Variants in SBNO2 observed in about 807,000 individuals in gnomAD.
SBNO2 encodes protein strawberry notch homolog 2.
In SBNO2, 89 loss-of-function variants were observed where a neutral mutation model predicts 146.3. The observed-to-expected ratio is 0.61, with a 90% CI of 0.51 to 0.73. The LOEUF (loss-of-function observed/expected upper bound fraction) is 0.73. SBNO2 is among the 30% of genes least tolerant of loss of function. The pLI is 0.00. For missense variants in SBNO2, 2,092 were observed against 2,003.7 expected, an observed-to-expected ratio of 1.04 and a Z score of -0.84; for synonymous variants, 1,147 against 892.6, an observed-to-expected ratio of 1.29 and a Z score of -5.08.
chr19:1,122,907 G>A lies in SBNO2; in HGVS notation c.767C>T (p.Thr256Ile), dbSNP rs751474173. 1.5e-5 allele frequency: 24 copies of A among 1,551,424 alleles called. No individual in the cohort carries two copies. Among genetic ancestry groups the A allele is most frequent in the Non-Finnish European group, 2.0e-5 (23 of 1,148,444 alleles). Residue 256 changes from threonine (T) to isoleucine (I), a missense_variant, in exon 8 of 32, where the codon ACC becomes ATC. Physicochemically the swap from Thr to Ile is moderately conservative, Grantham distance 89. Coordinates refer to ENST00000361757, the MANE Select transcript of SBNO2 (RefSeq NM_014963.3). ...ACATGCGGTCACCTGGCAGGCGTAG[G>A]TGATGGCCTCTAGCTGCAGGGCAGA... is the stretch of plus-strand genomic sequence containing the variant. ...ALSALQLEAI[T>I]YACQQHEVLL...
intron 4 of SBNO2, among the ~76,000 whole-genome samples, chr19:1,143,628 C>A (rs889108413): frequency 3.9e-5 from 6 of 152,304 alleles, no homozygotes; most frequent in Admixed American, 3.9e-4. Flanking sequence ...TCCAGAGGCA[C>A]CCGCATCCCT....
rs963309749 is a variant in SBNO2 at position 1,144,031 on chromosome 19, G to A, written c.279+3278C>T. Among the ~76,000 whole-genome samples, 6 of 152,192 alleles carry A rather than the reference G, an allele frequency of 3.9e-5. No individual in the cohort carries two copies. The highest frequency in any genetic ancestry group is 1.4e-4 in the African/African-American group (6 of 41,458). On this transcript the variant is annotated intron_variant, in intron 4 of 31. Coordinates refer to ENST00000361757, the MANE Select transcript of SBNO2 (RefSeq NM_014963.3). This position sits in a 1 kb window ranked among gnomAD's most constrained non-coding sequence, Gnocchi z 4.1. The stretch of plus-strand genomic sequence containing the variant: ...CTTCCGTGGCTGGCTGGGCTGCGCT[G>A]GGGGGCACGGCGCAAAGGGCCTCGA...
intron 1 of SBNO2, among the ~76,000 whole-genome samples, chr19:1,164,945 G>A (rs1467608512): frequency 6.7e-5 from 10 of 149,972 alleles, no homozygotes; most frequent in African/African-American, 2.2e-4. Flanking sequence ...GGAGGAGGAG[G>A]AGGAGGAACA....
At chr19:1,164,632 G>C (rs951466478) in intron 1 of SBNO2, among the ~76,000 whole-genome samples, 3 of 136,100 alleles carry the variant, frequency 2.2e-5, no homozygotes, top group Non-Finnish European at 4.8e-5. Context: ...AACAGGAGGA[G>C]GAGGAGGAGG....
chr19:1,142,692 G>C (rs934735467), intron 4 of SBNO2, among the ~76,000 whole-genome samples: 2 of 150,632 alleles, frequency 1.3e-5, no homozygotes, highest in East Asian at 4.0e-4. Flanking sequence ...AAAACAATAG[G>C]CCAGGTGCGG....
intron 17 of SBNO2, 57 bp downstream of exon 17, chr19:1,115,964 C>G (rs757608819): frequency 1.4e-4 from 161 of 1,146,600 alleles, no homozygotes; most frequent in Non-Finnish European, 2.4e-5. Context: ...CAGCCAGCCC[C>G]CGGGGGGAGA....
intron 4 of SBNO2, among the ~76,000 whole-genome samples, chr19:1,132,799 G>C (rs1055524753): frequency 6.6e-6 from 1 of 152,188 alleles, no homozygotes; most frequent in African/African-American, 2.4e-5. Context: ...GGCCTCCCTT[G>C]ATCTGGGGCT....
At chr19:1,155,306 G>A (rs1296229803) in intron 1 of SBNO2, among the ~76,000 whole-genome samples, 1 of 152,218 alleles carries the variant, frequency 6.6e-6, no homozygotes, top group Admixed American at 6.5e-5. Flanking sequence ...TCTGCCCGGC[G>A]CTCCAGAGAC....
chr19:1,145,899 T>C (rs1442768255), intron 4 of SBNO2, among the ~76,000 whole-genome samples: 1 of 152,020 alleles, frequency 6.6e-6, no homozygotes, highest in Non-Finnish European at 1.5e-5. Context: ...GGTAGGCCAA[T>C]TTCCAGGCCA....
intron 17 of SBNO2, 123 bp from the exon 18 acceptor site, chr19:1,114,545 C>T (rs1004095651): frequency 2.5e-6 from 2 of 797,856 alleles, no homozygotes; most frequent in Non-Finnish European, 3.7e-6. Context: ...CCGAGAACCC[C>T]CTGCCTCTGG....
At position 1,117,432 on chromosome 19, in the gene SBNO2, A is replaced by G. The variant is rs1183126287; in HGVS notation, c.1595T>C (p.Leu532Pro). ...GTGTGCCGACCAGAACTGGCCCCAC[A>G]GGGACTTGCGCGACTCCAGGCCGAT... ...DWIGLESRKS[L>P]WGQFWSAHQR... Residue 532 changes from leucine to proline, a missense_variant, in exon 15 of 32, where the codon CTG becomes CCG. Leu to Pro is a moderately conservative substitution (Grantham distance 98, BLOSUM62 -3). Transcript: ENST00000361757. 1.3e-6 allele frequency: 2 copies of G among 1,590,546 alleles called. No individual in the cohort carries two copies. The highest frequency in any genetic ancestry group is 2.3e-5 in the East Asian group (1 of 43,350).
chr19:1,163,737 C>T (rs573286855), intron 1 of SBNO2, among the ~76,000 whole-genome samples: 7 of 152,354 alleles, frequency 4.6e-5, no homozygotes, highest in Non-Finnish European at 7.4e-5. Context: ...ACCGGCCCAG[C>T]ACCGCCTGAC....
At chr19:1,152,533 G>C (rs537894430) in intron 2 of SBNO2, among the ~76,000 whole-genome samples, 8 of 152,114 alleles carry the variant, frequency 5.3e-5, no homozygotes, top group Non-Finnish European at 5.9e-5. Flanking sequence ...GCCGGTACTC[G>C]AGCTCCACCG....
chr19:1,169,786 A>G (rs1338809504), intron 1 of SBNO2, among the ~76,000 whole-genome samples: 1 of 152,146 alleles, frequency 6.6e-6, no homozygotes, highest in Non-Finnish European at 1.5e-5. Context: ...TTTCCCTGAG[A>G]TACAATCCAC....
chr19:1,109,878 C>G lies in SBNO2; in HGVS notation c.3029-101G>C. 1 of 825,768 alleles carries G rather than the reference C, an allele frequency of 1.2e-6. No homozygotes were observed. Among genetic ancestry groups the G allele is most frequent in the Non-Finnish European group, 1.9e-6 (1 of 531,420 alleles). The allele number at this position is 825,768 out of a possible 1,614,324, so 51.2% of individuals were successfully genotyped here. A position where few individuals can be genotyped will look rare whatever the true frequency, so the allele number is the denominator to read the frequency against. Reference sequence around the variant, plus strand: ...GGGGCGCACCCTAGAGACGACCCCCCGAGAGCACAGGAGAGGGTGTCCTGG... The same window carrying G: ...GGGGCGCACCCTAGAGACGACCCCCGGAGAGCACAGGAGAGGGTGTCCTGG... On this transcript the variant is annotated intron_variant, in intron 26 of 31. Transcript: ENST00000361757. This position sits in a 1 kb window ranked among gnomAD's most constrained non-coding sequence, Gnocchi z 4.2.
At chr19:1,165,274 G>A (rs146586731) in intron 1 of SBNO2, among the ~76,000 whole-genome samples, 2 of 152,298 alleles carry the variant, frequency 1.3e-5, no homozygotes, top group East Asian at 3.9e-4. Flanking sequence ...CCGAATGCAG[G>A]CCTGGAAAGG....
At chr19:1,113,028 C>T in intron 19 of SBNO2, 79 bp from the exon 20 acceptor site, 1 of 1,477,458 alleles carries the variant, frequency 6.8e-7, no homozygotes. Flanking sequence ...CTCAGCTTCC[C>T]TATGTCCTAC....
At position 1,114,430 on chromosome 19, in the gene SBNO2, G is replaced by A. The variant is rs1340976607; in HGVS notation, c.1886-8C>T. On this transcript the variant is annotated splice_region_variant and splice_polypyrimidine_tract_variant and intron_variant, in intron 17 of 31. Transcript: ENST00000361757. The stretch of plus-strand genomic sequence containing the variant: ...CGCGTCCCCGAGGTCGCCCTGCAGG[G>A]AAGGACAGGGTCACCGAGGGCCAGA... 6.6e-7 allele frequency: 1 copy of A among 1,517,150 alleles called. No individual in the cohort carries two copies. Among genetic ancestry groups the A allele is most frequent in the East Asian group, 2.5e-5 (1 of 40,424 alleles). 94.0% of individuals were successfully genotyped at this position (1,517,150 alleles called of 1,614,324 possible). A position where few individuals can be genotyped will look rare whatever the true frequency, so the allele number is the denominator to read the frequency against.
Position 1,141,539 on chromosome 19 carries a change from T to C in SBNO2, c.279+5770A>G, listed in dbSNP as rs376637318. On this transcript the variant is annotated intron_variant, in intron 4 of 31. Transcript: ENST00000361757. Reference sequence around the variant, plus strand: ...TGTAAATCTAATTTTTAATTTTGTATAGAGATGAGGTCTCATTATGTTGCC... The same window carrying C: ...TGTAAATCTAATTTTTAATTTTGTACAGAGATGAGGTCTCATTATGTTGCC... Among the ~76,000 whole-genome samples, 163 of 152,142 alleles carry C rather than the reference T, an allele frequency of 1.1e-3. 1 individual carries two copies. The East Asian group carries it at 0.015, about 14-fold the overall frequency.
Sources: allele counts gnomAD v4.1 joint callset (sites outside exome capture counted in the v4.1 genomes callset), GRCh38; gene constraint gnomAD v4.1.1; non-coding constraint Gnocchi (gnomAD v3.1); transcripts MANE v1.5; gene names NCBI Gene and HGNC (gene_info 2026-07-23, HGNC 2026-07-21).